The following GBF1 variants were observed in gnomAD, a reference collection of about 807,000 sequenced individuals.
The protein encoded by GBF1 is Golgi-specific brefeldin A-resistance guanine nucleotide exchange factor 1.
In GBF1, 114 loss-of-function variants were observed where a neutral mutation model predicts 210.5. That is an observed-to-expected ratio of 0.54 (90% confidence interval 0.47 to 0.63). The LOEUF is 0.63. GBF1 is among the 30% of genes least tolerant of loss of function. GBF1 has a pLI of 0.00. For missense variants in GBF1, 1,851 were observed against 2,357.7 expected, an observed-to-expected ratio of 0.79 and a Z score of 4.45; for synonymous variants, 850 against 889.2, an observed-to-expected ratio of 0.96 and a Z score of 0.78.
At chr10:102,300,649 A>G (rs1040412271) in intron 3 of GBF1, among the ~76,000 whole-genome samples, 13 of 152,060 alleles carry the variant, frequency 8.5e-5, no homozygotes, top group African/African-American at 3.1e-4. Flanking sequence ...AGCAGGGGGG[A>G]AAGGGGAATG....
intron 1 of GBF1, among the ~76,000 whole-genome samples, chr10:102,249,710 CTGATGG>C (rs2071265094): frequency 7.3e-6 from 1 of 136,772 alleles, no homozygotes; most frequent in African/African-American, 2.7e-5. Context: ...TTTTTTTTCT[CTGATGG>C]AGTCTTGCTC....
At chr10:102,265,381 A>G (rs1383937698) in intron 3 of GBF1, among the ~76,000 whole-genome samples, 1 of 152,192 alleles carries the variant, frequency 6.6e-6, no homozygotes, top group African/African-American at 2.4e-5. Flanking sequence ...GGAACAGTCT[A>G]AAAGTATCAC....
intron 3 of GBF1, among the ~76,000 whole-genome samples, chr10:102,287,395 C>T (rs2076057348): frequency 7.6e-6 from 1 of 131,856 alleles, no homozygotes; most frequent in Non-Finnish European, 1.6e-5. Context: ...ACTGTGTTTC[C>T]CAGGCTAGTC....
At chr10:102,303,783 A>G (rs996686061) in intron 3 of GBF1, among the ~76,000 whole-genome samples, 1 of 152,232 alleles carries the variant, frequency 6.6e-6, no homozygotes, top group African/African-American at 2.4e-5. Flanking sequence ...AAATCTCAAT[A>G]TACAAAGCAG....
chr10:102,327,473 G>T (rs1565114519), intron 3 of GBF1, among the ~76,000 whole-genome samples: 1 of 152,188 alleles, frequency 6.6e-6, no homozygotes, highest in Admixed American at 6.5e-5. Context: ...AGCAGTAATA[G>T]TAAATAACTG....
Position 102,370,433 on chromosome 10 carries a change from C to T in GBF1, c.3461C>T (p.Ala1154Val), listed in dbSNP as rs200564979. The change falls in exon 28 of 40, where the codon GCT (alanine) becomes GTT (valine). Residue 1154 changes from alanine to valine, a missense_variant. Around this residue, in one of 3 missense-constraint regions of GBF1, gnomAD observed 967 missense variants for 1,247.7 expected, o/e 0.78. Transcript: ENST00000369983. ...GAAGAGACATATGATGAGGAAGATG[C>T]TGCTTTCTGCCTAGAGATGCTGCTA... Reference protein sequence around the residue: ...PDEETYDEEDAAFCLEMLLRI... With the variant: ...PDEETYDEEDVAFCLEMLLRI... 108 of 1,613,498 alleles carry T rather than the reference C, an allele frequency of 6.7e-5. No individual in the cohort carries two copies. The highest frequency in any genetic ancestry group is 8.7e-5 in the Non-Finnish European group (103 of 1,179,356).
chr10:102,313,581 C>T (rs566215642), intron 3 of GBF1, among the ~76,000 whole-genome samples: 1 of 152,216 alleles, frequency 6.6e-6, no homozygotes, highest in African/African-American at 2.4e-5. Flanking sequence ...CCTCATTAAT[C>T]TTCCTGGTCT....
At chr10:102,336,449 GT>G (rs1374505480) in intron 3 of GBF1, among the ~76,000 whole-genome samples, 1 of 152,034 alleles carries the variant, frequency 6.6e-6, no homozygotes, top group African/African-American at 2.4e-5. Flanking sequence ...TGTACCAAGT[GT>G]TTTACATGCA....
intron 3 of GBF1, among the ~76,000 whole-genome samples, chr10:102,279,885 G>A (rs1032819434): frequency 5.3e-5 from 8 of 152,182 alleles, no homozygotes; most frequent in African/African-American, 1.9e-4. Flanking sequence ...TTGGGAGGGC[G>A]ACGCAAGAGG....
At chr10:102,257,434 C>T (rs1395266488) in intron 1 of GBF1, among the ~76,000 whole-genome samples, 1 of 151,648 alleles carries the variant, frequency 6.6e-6, no homozygotes, top group African/African-American at 2.4e-5. Flanking sequence ...TCAGCCTCCC[C>T]AGTAACTAGA....
At position 102,361,072 on chromosome 10, in the gene GBF1, C is replaced by A; in HGVS notation, c.1443C>A (p.Cys481Ter). ...TTTATGCTGCTTCCCTGCGAGTATG[C>A]TTCCTACTGTTTGAGAGCATGCGAG... ...LNLYAASLRVCFLLFESMREH... is the reference protein window; with the variant it reads ...LNLYAASLRV The change falls in exon 13 of 40, where the codon TGC becomes TGA. Residue 481 changes from cysteine (C) to a stop codon, truncating the protein, a stop_gained. Coordinates refer to ENST00000369983, the MANE Select transcript of GBF1 (RefSeq NM_001377137.1). LOFTEE classifies it high-confidence loss of function. The A allele has an allele frequency of 6.2e-7, 1 of 1,608,426 alleles. No homozygotes were observed. Among genetic ancestry groups the A allele is most frequent in the Non-Finnish European group, 8.5e-7 (1 of 1,175,014 alleles).
At chr10:102,235,827 T>C in the GBF1 span, among the ~76,000 whole-genome samples, 9 of 152,104 alleles carry the variant, frequency 5.9e-5, no homozygotes, top group Non-Finnish European at 1.3e-4. Context: ...TACTGAGAGA[T>C]AGGCAACACA....
intron 1 of GBF1, among the ~76,000 whole-genome samples, chr10:102,250,137 T>C (rs1231773356): frequency 2.6e-5 from 4 of 152,186 alleles, no homozygotes; most frequent in Admixed American, 6.6e-5. Context: ...AAAGGCATCA[T>C]GAAAAAGAAA....
intron 3 of GBF1, among the ~76,000 whole-genome samples, chr10:102,340,448 T>G (rs1432589090): frequency 6.6e-6 from 1 of 151,314 alleles, no homozygotes; most frequent in Non-Finnish European, 1.5e-5. Flanking sequence ...TAATTTTTTG[T>G]ATTTTTAGTA....
At chr10:102,249,388 A>T (rs2071217656) in intron 1 of GBF1, among the ~76,000 whole-genome samples, 1 of 152,172 alleles carries the variant, frequency 6.6e-6, no homozygotes, top group African/African-American at 2.4e-5. Flanking sequence ...CTTACCTTGT[A>T]AACGGTTTTT....
chr10:102,258,851 C>T, intron 1 of GBF1, 78 bp from the exon 2 acceptor site: 1 of 704,638 alleles, frequency 1.4e-6, no homozygotes, highest in Non-Finnish European at 2.7e-6. Flanking sequence ...CTAACCTTAT[C>T]AGGTACTGAT....
intron 3 of GBF1, among the ~76,000 whole-genome samples, chr10:102,312,295 GAAA>G (rs199516651): frequency 2.3e-5 from 3 of 129,002 alleles, no homozygotes. Context: ...CTCTGTCTCA[GAAA>G]AAAAAAAAAA....
At position 102,358,053 on chromosome 10, in the gene GBF1, C is replaced by T. The variant is rs745846399; in HGVS notation, c.654C>T (p.Ala218=). The change falls in exon 9 of 40, where the codon GCC becomes GCT. Residue 218 remains alanine, a synonymous_variant. Coordinates refer to ENST00000369983, the MANE Select transcript of GBF1 (RefSeq NM_001377137.1). ...GATATTTCCAGCTGAAAATGAGAGC[C>T]GGAGGCATGAGTGATTCATCCAAAT... ...GTNMKKLKMR[A]GGMSDSSKWK... 11 of 1,605,948 alleles carry T rather than the reference C, an allele frequency of 6.8e-6. No homozygotes were observed. The East Asian group carries it at 8.9e-5, about 13-fold the overall frequency.
chr10:102,277,527 C>T (rs549052428), intron 3 of GBF1, among the ~76,000 whole-genome samples: 5 of 151,844 alleles, frequency 3.3e-5, no homozygotes, highest in East Asian at 3.9e-4. Context: ...TACAGGCGCC[C>T]GCCACCACGC....
Sources: gnomAD v4.1 joint callset for allele counts (sites outside exome capture counted in the v4.1 genomes callset) on GRCh38, gnomAD v4.1.1 for gene constraint, gnomAD v4.1.1 regional missense constraint, MANE v1.5 for transcripts, NCBI Gene and HGNC (gene_info 2026-07-23, HGNC 2026-07-21) for gene names.